Variants in EYS observed in about 807,000 individuals in gnomAD.
EYS encodes the protein EGF-like photoreceptor maintenance factor.
A neutral mutation model predicts 282.1 loss-of-function variants in EYS; 250 were observed. The ratio of observed to expected loss-of-function variants is 0.89; its 90% CI spans 0.80 to 0.98. The LOEUF is 0.98. Ranked by LOEUF, EYS falls within the 50% of genes least tolerant of loss-of-function variation. The pLI is 0.00. For synonymous variants in EYS, 1,355 were observed against 1,282.9 expected (o/e 1.06, Z -1.20); for missense variants, 4,016 against 3,709.0 (o/e 1.08, Z -2.15).
At chr6:65,258,896 A>C (rs2150256610) in intron 12 of EYS, among the ~76,000 whole-genome samples, 1 of 152,216 alleles carries the variant, frequency 6.6e-6, no homozygotes, top group Non-Finnish European at 1.5e-5. Flanking sequence ...CCATAAAAGT[A>C]TTTTTTAAAT....
intron 36 of EYS, among the ~76,000 whole-genome samples, chr6:63,832,693 G>A (rs1249598149): frequency 1.3e-5 from 2 of 152,046 alleles, no homozygotes; most frequent in Admixed American, 6.6e-5. Flanking sequence ...AGAAAAAGAG[G>A]GAATACTCCC....
chr6:63,961,844 C>T (rs1298042655), intron 35 of EYS, among the ~76,000 whole-genome samples: 1 of 152,118 alleles, frequency 6.6e-6, no homozygotes, highest in African/African-American at 2.4e-5. Flanking sequence ...AGACTATAGA[C>T]CAATCTTCAA....
intron 41 of EYS, among the ~76,000 whole-genome samples, chr6:63,737,500 T>C (rs1240519726): frequency 6.6e-5 from 10 of 152,226 alleles, no homozygotes; most frequent in African/African-American, 1.4e-4. Flanking sequence ...CAGTATTTTA[T>C]TGAGGATTTT....
intron 12 of EYS, among the ~76,000 whole-genome samples, chr6:65,144,770 T>A (rs1764435179): frequency 7.9e-6 from 1 of 126,348 alleles, no homozygotes; most frequent in African/African-American, 2.7e-5. Flanking sequence ...GTTTACTTAC[T>A]TTTTTTTTTT....
chr6:63,966,776 A>G (rs1230323157), intron 35 of EYS, among the ~76,000 whole-genome samples: 1 of 152,206 alleles, frequency 6.6e-6, no homozygotes, highest in East Asian at 1.9e-4. Flanking sequence ...GATAATACGT[A>G]TAGAGTAATT....
intron 36 of EYS, among the ~76,000 whole-genome samples, chr6:63,852,551 G>A (rs962930418): frequency 1.3e-5 from 2 of 152,068 alleles, no homozygotes; most frequent in African/African-American, 4.8e-5. Context: ...TCTACCAGAG[G>A]TACAAAGAGG....
intron 26 of EYS, among the ~76,000 whole-genome samples, chr6:64,486,052 T>A (rs963893863): frequency 2.0e-5 from 3 of 151,464 alleles, no homozygotes; most frequent in Non-Finnish European, 3.0e-5. Context: ...ACTGTAACCT[T>A]TTATTGTAAT....
At chr6:65,463,765 T>C (rs1297966737) in intron 5 of EYS, among the ~76,000 whole-genome samples, 1 of 152,132 alleles carries the variant, frequency 6.6e-6, no homozygotes, top group African/African-American at 2.4e-5. Flanking sequence ...AACATTGAGA[T>C]ATACTTCAAG....
intron 22 of EYS, chr6:64,730,717 C>G (rs1771934247): frequency 6.6e-6 from 1 of 152,116 alleles, no homozygotes; most frequent in African/African-American, 2.4e-5. Flanking sequence ...ACCTAGTGAT[C>G]AGCCTGCCTC....
At chr6:65,395,342 C>A (rs1395657118) in intron 7 of EYS, among the ~76,000 whole-genome samples, 1 of 152,170 alleles carries the variant, frequency 6.6e-6, no homozygotes, top group Non-Finnish European at 1.5e-5. Context: ...GGATTACAGG[C>A]GTGAGCCACT....
chr6:65,014,665 C>A (rs1194222977), intron 13 of EYS, among the ~76,000 whole-genome samples: 1 of 152,062 alleles, frequency 6.6e-6, no homozygotes, highest in Non-Finnish European at 1.5e-5. Flanking sequence ...AGATGCATTA[C>A]CACATTTAAG....
At chr6:64,038,782 T>G (rs1156649803) in intron 33 of EYS, among the ~76,000 whole-genome samples, 1 of 151,928 alleles carries the variant, frequency 6.6e-6, no homozygotes, top group Non-Finnish European at 1.5e-5. Flanking sequence ...ATTTTCTTTT[T>G]ACTTTTGTTT....
chr6:64,726,775 T>C (rs1159905516), intron 22 of EYS, among the ~76,000 whole-genome samples: 2 of 152,178 alleles, frequency 1.3e-5, no homozygotes, highest in Non-Finnish European at 2.9e-5. Flanking sequence ...CGAAAGCAGA[T>C]ATAATATTTA....
chr6:64,030,656 C>T (rs947078745), intron 33 of EYS, among the ~76,000 whole-genome samples: 11 of 152,212 alleles, frequency 7.2e-5, no homozygotes, highest in Admixed American at 6.5e-4. Flanking sequence ...GGCAACATGG[C>T]TTCTCCCTTT....
At chr6:65,197,650 A>G (rs1240907442) in intron 12 of EYS, among the ~76,000 whole-genome samples, 1 of 152,118 alleles carries the variant, frequency 6.6e-6, no homozygotes, top group Non-Finnish European at 1.5e-5. Flanking sequence ...TATAGAGTGT[A>G]CTTCCACAAA....
chr6:63,743,596 T>C (rs1769137763), intron 41 of EYS, among the ~76,000 whole-genome samples: 1 of 152,128 alleles, frequency 6.6e-6, no homozygotes, highest in East Asian at 1.9e-4. Flanking sequence ...CAGGGCAATT[T>C]TTGTGAGCTG....
intron 30 of EYS, among the ~76,000 whole-genome samples, chr6:64,234,439 T>C (rs1307535310): frequency 9.3e-5 from 14 of 151,318 alleles, no homozygotes; most frequent in Admixed American, 9.2e-4. Context: ...AGTGTTTTTA[T>C]TGTTTGGATA....
chr6:63,753,138 GTGTATATA>G (rs1562009714), intron 41 of EYS, among the ~76,000 whole-genome samples: 1 of 64,324 alleles, frequency 1.6e-5, no homozygotes, highest in Admixed American at 2.0e-4. Context: ...ATGTGTGTGT[GTGTATATA>G]TATATATATA....
At chr6:65,475,298 C>T (rs1749467686) in intron 5 of EYS, among the ~76,000 whole-genome samples, 1 of 152,048 alleles carries the variant, frequency 6.6e-6, no homozygotes, top group Admixed American at 6.5e-5. Flanking sequence ...AAACAAACTA[C>T]ATTAGGTGAG....
Sources: gnomAD v4.1 joint callset for allele counts (sites outside exome capture counted in the v4.1 genomes callset) on GRCh38, gnomAD v4.1.1 for gene constraint, MANE v1.5 for transcripts, NCBI Gene and HGNC (gene_info 2026-07-23, HGNC 2026-07-21) for gene names.